ANO4: variants seen among roughly 807,000 people sequenced by gnomAD.
ANO4 encodes anoctamin-4.
Under a neutral mutation model 141.9 loss-of-function variants are expected in ANO4, and 69 were observed. That is an observed-to-expected ratio of 0.49 (90% CI 0.40 to 0.59). The LOEUF is 0.59. Among genes scored for constraint, ANO4 ranks in the 20% least tolerant of loss-of-function variants. ANO4 has a pLI of 0.00. For synonymous variants in ANO4, 350 were observed against 394.3 expected (o/e 0.89, Z 1.33); for missense variants, 894 against 1,162.2 (o/e 0.77, Z 3.36).
At chr12:100,960,043 G>T (rs548955363) in intron 5 of ANO4, among the ~76,000 whole-genome samples, 1 of 152,002 alleles carries the variant, frequency 6.6e-6, no homozygotes, top group Non-Finnish European at 1.5e-5. Context: ...TCTGGGGCAG[G>T]GAAACACAAA....
chr12:100,860,489 A>G (rs1373121071), intron 1 of ANO4, among the ~76,000 whole-genome samples: 1 of 152,184 alleles, frequency 6.6e-6, no homozygotes, highest in African/African-American at 2.4e-5. Flanking sequence ...GATTTCAGGC[A>G]TCTGGGAACA....
At chr12:101,111,485 T>C in intron 23 of ANO4, 78 bp from the exon 24 acceptor site, 1 of 1,354,202 alleles carries the variant, frequency 7.4e-7, no homozygotes, top group Non-Finnish European at 9.9e-7. Flanking sequence ...AAAGGACTTT[T>C]AAAAATTAAT....
intron 3 of ANO4, among the ~76,000 whole-genome samples, chr12:100,753,567 C>A (rs2032477939): frequency 6.6e-6 from 1 of 152,134 alleles, no homozygotes; most frequent in South Asian, 2.1e-4. Flanking sequence ...CACTTGCAGG[C>A]AGCCTGCTCT....
chr12:101,094,637 T>C (rs560485219), intron 18 of ANO4, among the ~76,000 whole-genome samples: 1 of 152,282 alleles, frequency 6.6e-6, no homozygotes, highest in South Asian at 2.1e-4. Flanking sequence ...TTTTGTTTAA[T>C]TAAAAATGTA....
intron 1 of ANO4, among the ~76,000 whole-genome samples, chr12:100,862,773 A>G (rs2038550675): frequency 6.6e-6 from 1 of 152,214 alleles, no homozygotes; most frequent in South Asian, 2.1e-4. Context: ...CTATGACATC[A>G]CTAGGTAATA....
intron 3 of ANO4, among the ~76,000 whole-genome samples, chr12:100,934,279 G>T (rs1265067159): frequency 6.6e-6 from 1 of 152,124 alleles, no homozygotes; most frequent in Non-Finnish European, 1.5e-5. Context: ...TTTGTATAAG[G>T]TGTAAGGAAG....
chr12:100,759,519 G>A (rs1469577655), intron 3 of ANO4, among the ~76,000 whole-genome samples: 1 of 152,154 alleles, frequency 6.6e-6, no homozygotes, highest in East Asian at 1.9e-4. Context: ...GGGTTATGTG[G>A]TCAGTGTGAT....
intron 8 of ANO4, among the ~76,000 whole-genome samples, chr12:101,016,708 C>A (rs2046330631): frequency 6.6e-6 from 1 of 152,196 alleles, no homozygotes; most frequent in Non-Finnish European, 1.5e-5. Flanking sequence ...AGGAAGTGGG[C>A]CATGTGGGCG....
At chr12:101,099,843 G>A in intron 22 of ANO4, 123 bp downstream of exon 22, 1 of 732,638 alleles carries the variant, frequency 1.4e-6, no homozygotes. Context: ...GGCAAACAGA[G>A]AGGAAGGCAT....
chr12:100,935,631 G>A lies in ANO4; in HGVS notation c.161-3684G>A, dbSNP rs560607468. ...GCATCTTTGTGATGTTCGTGCCCAT[G>A]GATAGAAAGGCCTCACTCCCACTCT... On this transcript the variant is annotated intron_variant, in intron 3 of 27. Transcript: ENST00000392977. Among the ~76,000 whole-genome samples the A allele has an allele frequency of 9.8e-5, 15 of 152,290 alleles. No individual in the cohort carries two copies. In the East Asian group the frequency reaches 2.9e-3, roughly 29 times the overall value.
At chr12:101,104,615 GTATGTATGTGTGTATATA>G (rs1253316855) in intron 22 of ANO4, among the ~76,000 whole-genome samples, 3 of 66,088 alleles carry the variant, frequency 4.5e-5, no homozygotes, top group South Asian at 6.0e-4. Context: ...GTGTGTGTGT[GTATGTATGTGTGTATATA>G]TATATATATA....
intron 2 of ANO4, among the ~76,000 whole-genome samples, chr12:100,909,558 C>T (rs1195235517): frequency 6.6e-6 from 1 of 152,124 alleles, no homozygotes; most frequent in Non-Finnish European, 1.5e-5. Flanking sequence ...AGGGCTGGAA[C>T]ACAGAAATAA....
rs145196633 is a variant in ANO4 at position 100,977,624 on chromosome 12, C to A, written c.602+2735C>A. ...GGTGCAGATGAATATTTCTAAAAGT[C>A]TATATATTACTCTTCATTCCCACTG... On this transcript the variant is annotated intron_variant, in intron 7 of 27. Transcript: ENST00000392977. Among the ~76,000 whole-genome samples, 3 of 152,266 alleles carry A rather than the reference C, an allele frequency of 2.0e-5. No individual in the cohort carries two copies. The East Asian group carries it at 5.8e-4, about 29-fold the overall frequency.
chr12:101,127,422 C>T (rs2137087431), intron 27 of ANO4, among the ~76,000 whole-genome samples: 1 of 152,210 alleles, frequency 6.6e-6, no homozygotes, highest in African/African-American at 2.4e-5. Flanking sequence ...CATGCCCCTT[C>T]TTTCTAGGTG....
intron 5 of ANO4, among the ~76,000 whole-genome samples, chr12:100,962,320 G>T (rs1486486839): frequency 2.0e-5 from 3 of 152,200 alleles, no homozygotes; most frequent in African/African-American, 4.8e-5. Context: ...GCTGGGTGCT[G>T]GGAATACAAC....
intron 14 of ANO4, chr12:101,068,200 C>T (rs2048670464): frequency 3.8e-6 from 5 of 1,300,390 alleles, no homozygotes; most frequent in Non-Finnish European, 5.1e-6. Flanking sequence ...TGGTTGTCTC[C>T]TGTGGACCAG....
At chr12:101,116,260 G>T (rs966250750) in intron 24 of ANO4, among the ~76,000 whole-genome samples, 1 of 152,078 alleles carries the variant, frequency 6.6e-6, no homozygotes, top group Non-Finnish European at 1.5e-5. Context: ...GAGTTGGGGG[G>T]ATCATATGCA....
At position 101,116,736 on chromosome 12, in the gene ANO4, G is replaced by T. The variant is rs756200297; in HGVS notation, c.2508G>T (p.Glu836Asp). 1 of 1,613,996 alleles carries T rather than the reference G, an allele frequency of 6.2e-7. No individual in the cohort carries two copies. Among genetic ancestry groups the T allele is most frequent in the African/African-American group, 1.3e-5 (1 of 74,902 alleles). Reference protein sequence around the residue: ...SLSVFRISDFENRSEPESDGS... With the variant: ...SLSVFRISDFDNRSEPESDGS... The stretch of plus-strand genomic sequence containing the variant: ...CTGTATTTCGAATTTCTGACTTTGA[G>T]AACCGATCTGAGCCTGAATCTGATG... Residue 836 changes from glutamate to aspartate, a missense_variant, in exon 25 of 28, where the codon GAG becomes GAT. Physicochemically the swap from Glu to Asp is conservative, Grantham distance 45. Around this residue, in one of 2 missense-constraint regions of ANO4, gnomAD observed 637 missense variants for 909.2 expected, o/e 0.70. Transcript: ENST00000392977.
At chr12:100,810,282 G>A (rs2135701610) in intron 1 of ANO4, among the ~76,000 whole-genome samples, 1 of 152,046 alleles carries the variant, frequency 6.6e-6, no homozygotes, top group East Asian at 1.9e-4. Context: ...AAGAGAAATG[G>A]TGTCCAAGCA....
Sources: allele counts gnomAD v4.1 joint callset (sites outside exome capture counted in the v4.1 genomes callset), GRCh38; gene constraint gnomAD v4.1.1; regional missense constraint gnomAD v4.1.1; transcripts MANE v1.5; gene names NCBI Gene and HGNC (gene_info 2026-07-23, HGNC 2026-07-21).